The following ADCY5 variants were observed in gnomAD, a reference collection of about 807,000 sequenced individuals.
ADCY5 encodes adenylate cyclase 5, also known as adenylate cyclase type 5.
Under a neutral mutation model 119.7 loss-of-function variants are expected in ADCY5, and 30 were observed. The ratio of observed to expected loss-of-function variants is 0.25; its 90% CI spans 0.19 to 0.34. The LOEUF is 0.34. Ranked by LOEUF, ADCY5 falls within the 10% of genes least tolerant of loss-of-function variation. The probability of loss-of-function intolerance (pLI) is 1.00; values close to 1 mark genes in which losing one functional copy is unlikely to be tolerated. For synonymous variants in ADCY5, 753 were observed against 762.2 expected (o/e 0.99, Z 0.20); for missense variants, 1,324 against 1,775.2 (o/e 0.75, Z 4.57).
At chr3:123,442,663 T>A (rs1194414305) in intron 1 of ADCY5, among the ~76,000 whole-genome samples, 3 of 152,176 alleles carry the variant, frequency 2.0e-5, no homozygotes, top group Non-Finnish European at 4.4e-5. Flanking sequence ...ACAGTGTACA[T>A]TCCCACAAAT....
chr3:123,446,902 C>T (rs1470377976), intron 1 of ADCY5, among the ~76,000 whole-genome samples: 1 of 152,196 alleles, frequency 6.6e-6, no homozygotes, highest in African/African-American at 2.4e-5. Flanking sequence ...GCTACCAAAT[C>T]CCCAGCCTTA....
intron 1 of ADCY5, among the ~76,000 whole-genome samples, chr3:123,410,443 C>G (rs572219704): frequency 6.6e-6 from 1 of 152,172 alleles, no homozygotes; most frequent in African/African-American, 2.4e-5. Flanking sequence ...AGGTGAACTG[C>G]CTGTTGGGGA....
chr3:123,431,131 C>T (rs945771532), intron 1 of ADCY5, among the ~76,000 whole-genome samples: 2 of 152,220 alleles, frequency 1.3e-5, no homozygotes, highest in Non-Finnish European at 2.9e-5. Context: ...TGCTATCTAC[C>T]TGTTGAGTAA....
At chr3:123,289,175 A>G (rs1938975638) in intron 19 of ADCY5, among the ~76,000 whole-genome samples, 1 of 152,254 alleles carries the variant, frequency 6.6e-6, no homozygotes, top group South Asian at 2.1e-4. Context: ...ACGATTTTGC[A>G]GATTACATGT....
At chr3:123,297,194 C>T in intron 16 of ADCY5, 159 bp downstream of exon 16, 3 of 1,351,912 alleles carry the variant, frequency 2.2e-6, no homozygotes, top group Non-Finnish European at 3.1e-6. Context: ...CCGAGGACGC[C>T]TTGCTACCCC....
At chr3:123,359,477 C>T (rs925917690) in intron 1 of ADCY5, among the ~76,000 whole-genome samples, 7 of 151,482 alleles carry the variant, frequency 4.6e-5, no homozygotes, top group African/African-American at 1.5e-4. Context: ...ACAACCCTCT[C>T]CCCAAGCTCC....
intron 12 of ADCY5, among the ~76,000 whole-genome samples, chr3:123,308,626 G>A (rs971093212): frequency 1.8e-4 from 28 of 152,020 alleles, no homozygotes; most frequent in South Asian, 4.2e-4. Context: ...TCAGGAGATC[G>A]AGATCAAACT....
chr3:123,326,212 G>A (rs1941475912), intron 7 of ADCY5, among the ~76,000 whole-genome samples: 1 of 152,246 alleles, frequency 6.6e-6, no homozygotes, highest in African/African-American at 2.4e-5. Flanking sequence ...GTGAAGTTAT[G>A]AGATTCAAGA....
At chr3:123,394,292 T>C (rs768666027) in intron 1 of ADCY5, among the ~76,000 whole-genome samples, 4 of 152,182 alleles carry the variant, frequency 2.6e-5, no homozygotes, top group Non-Finnish European at 5.9e-5. Flanking sequence ...CCTTAGCAAA[T>C]CAATTGTTTC....
At chr3:123,292,355 G>A (rs909154701) in intron 17 of ADCY5, among the ~76,000 whole-genome samples, 7 of 152,132 alleles carry the variant, frequency 4.6e-5, no homozygotes, top group South Asian at 4.1e-4. Context: ...GGTCCAGCAC[G>A]GAGGAAGAGC....
intron 1 of ADCY5, among the ~76,000 whole-genome samples, chr3:123,368,574 G>A (rs978563506): frequency 1.2e-4 from 18 of 152,318 alleles, no homozygotes; most frequent in African/African-American, 4.3e-4. Context: ...TCCAGGCTGG[G>A]CGACAGATCG....
At chr3:123,374,259 T>G (rs546304951) in intron 1 of ADCY5, among the ~76,000 whole-genome samples, 3 of 152,092 alleles carry the variant, frequency 2.0e-5, no homozygotes, top group African/African-American at 7.2e-5. Context: ...GAGGCCACCA[T>G]AGCAGGATCA....
chr3:123,379,617 G>T (rs985615157), intron 1 of ADCY5, among the ~76,000 whole-genome samples: 1 of 152,020 alleles, frequency 6.6e-6, no homozygotes. Flanking sequence ...TGTGGAGAAG[G>T]GGGTGGGTGA....
rs1181052717 is a variant in ADCY5, at chr3:123,282,387, G to C, written c.*2221C>G. The C allele has an allele frequency of 6.6e-6, 1 of 152,254 alleles. No homozygotes were observed. Among genetic ancestry groups the C allele is most frequent in the Non-Finnish European group, 1.5e-5 (1 of 68,044 alleles). The allele number at this position is 152,254 out of a possible 1,614,324, so 9.4% of individuals were successfully genotyped here. ...AATCGTATCTGTTTTTGCAAGAGTA[G>C]GAATAAAAAGAGTGCACACCCTTTA... On this transcript the variant is annotated 3_prime_UTR_variant, in exon 21 of 21. Transcript: ENST00000462833.
chr3:123,427,081 G>A (rs1444747271), intron 1 of ADCY5, among the ~76,000 whole-genome samples: 5 of 152,142 alleles, frequency 3.3e-5, no homozygotes, highest in South Asian at 4.1e-4. Context: ...TAGTGCCACT[G>A]GTAACCAAGG....
intron 1 of ADCY5, among the ~76,000 whole-genome samples, chr3:123,429,827 T>G (rs934232490): frequency 6.6e-6 from 1 of 152,032 alleles, no homozygotes; most frequent in African/African-American, 2.4e-5. Context: ...GCAACCACAC[T>G]CTGCTGGGGA....
chr3:123,397,210 C>G (rs545511959), intron 1 of ADCY5, among the ~76,000 whole-genome samples: 10 of 152,320 alleles, frequency 6.6e-5, no homozygotes, highest in South Asian at 2.1e-4. Flanking sequence ...CTGCTCGCTG[C>G]AGCACAGCAG....
chr3:123,413,983 G>A (rs1041146246), intron 1 of ADCY5, among the ~76,000 whole-genome samples: 6 of 152,184 alleles, frequency 3.9e-5, no homozygotes, highest in African/African-American at 1.4e-4. Context: ...AGAATTTGGG[G>A]AGATGACTGT....
chr3:123,370,533 T>C (rs1026265618), intron 1 of ADCY5, among the ~76,000 whole-genome samples: 7 of 152,172 alleles, frequency 4.6e-5, no homozygotes, highest in Admixed American at 1.3e-4. Flanking sequence ...GGCTACAACA[T>C]AGATAGGCTC....
Sources: gnomAD v4.1 joint callset for allele counts (sites outside exome capture counted in the v4.1 genomes callset) on GRCh38, gnomAD v4.1.1 for gene constraint, MANE v1.5 for transcripts, NCBI Gene and HGNC (gene_info 2026-07-23, HGNC 2026-07-21) for gene names.